Variants in CAMK2A observed in about 807,000 individuals in gnomAD.
CAMK2A encodes calcium/calmodulin dependent protein kinase II alpha, also known as calcium/calmodulin-dependent protein kinase type II subunit alpha.
CAMK2A carries 7 observed loss-of-function variants against 79.2 expected under a neutral mutation model. The observed-to-expected ratio is 0.09, with a 90% CI of 0.05 to 0.17. The LOEUF (loss-of-function observed/expected upper bound fraction) is 0.17. Ranked by LOEUF, CAMK2A falls within the 10% of genes least tolerant of loss-of-function variation. The pLI, the probability that CAMK2A is intolerant of heterozygous loss-of-function variation, is 1.00. For missense variants in CAMK2A, 214 were observed against 646.4 expected, an observed-to-expected ratio of 0.33 and a Z score of 7.25; for synonymous variants, 242 against 251.7, an observed-to-expected ratio of 0.96 and a Z score of 0.36.
chr5:150,249,061 C>A (rs1233114048), intron 11 of CAMK2A, among the ~76,000 whole-genome samples: 1 of 152,214 alleles, frequency 6.6e-6, no homozygotes, highest in East Asian at 1.9e-4. Context: ...GTTCTCCTGG[C>A]ATCATGCTGG....
At chr5:150,225,021 T>C (rs1026017815) in intron 17 of CAMK2A, among the ~76,000 whole-genome samples, 3 of 107,344 alleles carry the variant, frequency 2.8e-5, no homozygotes, top group African/African-American at 1.2e-4. Context: ...AAATAGCCAG[T>C]CTCATAACCT....
At chr5:150,249,331 C>T (rs1463745547) in intron 11 of CAMK2A, among the ~76,000 whole-genome samples, 2 of 152,212 alleles carry the variant, frequency 1.3e-5, no homozygotes, top group Non-Finnish European at 2.9e-5. Context: ...TGAGCTTCCT[C>T]AGGGCCACAA....
At position 150,256,909 on chromosome 5, in the gene CAMK2A, A is replaced by C; in HGVS notation, c.273-78T>G. The stretch of plus-strand genomic sequence containing the variant: ...CATCTGGAGGAGTCTCCAGGAAACT[A>C]AGGATGGGGCCCAGGGACCTCAGGA... On this transcript the variant is annotated intron_variant, in intron 4 of 18. Transcript: ENST00000671881. This position sits in a 1 kb window ranked among gnomAD's most constrained non-coding sequence, Gnocchi z 4.6. 1 of 1,294,762 alleles carries C rather than the reference A, an allele frequency of 7.7e-7. No homozygotes were observed. The highest frequency in any genetic ancestry group is 1.1e-6 in the Non-Finnish European group (1 of 920,774). 80.2% of individuals were successfully genotyped at this position (1,294,762 alleles called of 1,614,324 possible).
intron 1 of CAMK2A, among the ~76,000 whole-genome samples, chr5:150,277,414 G>A (rs1006208415): frequency 6.6e-6 from 1 of 152,194 alleles, no homozygotes; most frequent in African/African-American, 2.4e-5. Context: ...ACTGATGGGG[G>A]CCAGCGAGGG....
At position 150,247,752 on chromosome 5, in the gene CAMK2A, C is replaced by G. The variant is rs1299249728; in HGVS notation, c.943+20G>C. 6 of 1,604,620 alleles carry G rather than the reference C, an allele frequency of 3.7e-6. No individual in the cohort carries two copies. Among genetic ancestry groups the G allele is most frequent in the African/African-American group, 1.3e-5 (1 of 74,820 alleles). On this transcript the variant is annotated intron_variant, in intron 12 of 18. Coordinates refer to ENST00000671881, the MANE Select transcript of CAMK2A (RefSeq NM_015981.4). ...AACTGGTGCAGGGCTTACTGGGGAC[C>G]CTGAGGTCCTGCCACCTACCGGAGA... is the stretch of plus-strand genomic sequence containing the variant.
At chr5:150,247,163 C>G (rs1194067643) in intron 12 of CAMK2A, among the ~76,000 whole-genome samples, 1 of 152,272 alleles carries the variant, frequency 6.6e-6, no homozygotes, top group East Asian at 1.9e-4. Context: ...CTGGGACGCT[C>G]CTGCCCTGGA....
At position 150,244,651 on chromosome 5, in the gene CAMK2A, A is replaced by C. The variant is rs144343327; in HGVS notation, c.984+510T>G. Among the ~76,000 whole-genome samples the C allele has an allele frequency of 9.7e-4, 147 of 152,248 alleles. 5 individuals are homozygous for C. The East Asian group carries it at 0.027, about 28-fold the overall frequency. ...GGGATTTTGGAACTGAACCAGCACC[A>C]GCAAGCCTTGCCGGGAGGGGGCACC... On this transcript the variant is annotated intron_variant, in intron 13 of 18. Transcript: ENST00000671881.
intron 3 of CAMK2A, among the ~76,000 whole-genome samples, chr5:150,259,435 T>C (rs1756207695): frequency 6.6e-6 from 1 of 151,796 alleles, no homozygotes; most frequent in Non-Finnish European, 1.5e-5. Context: ...GGTGGGAGGG[T>C]TGTTTGAGCC....
chr5:150,249,314 G>A (rs1755722237), intron 11 of CAMK2A, among the ~76,000 whole-genome samples: 1 of 152,236 alleles, frequency 6.6e-6, no homozygotes, highest in South Asian at 2.1e-4. Flanking sequence ...GACCACCTGG[G>A]TGCCACTGAG....
chr5:150,289,887 A>C, upstream of CAMK2A: 13 of 484,616 alleles, frequency 2.7e-5, no homozygotes, highest in Non-Finnish European at 4.1e-5. Flanking sequence ...TGCCTCCCCA[A>C]CACCTGCCTG....
chr5:150,253,958 G>A (rs10067305), intron 6 of CAMK2A, among the ~76,000 whole-genome samples: 7,273 of 152,126 alleles, frequency 0.048, 563 homozygotes, highest in African/African-American at 0.16. Context: ...CGACCCTTTC[G>A]GGTAGGTATT....
intron 16 of CAMK2A, among the ~76,000 whole-genome samples, chr5:150,228,773 T>C (rs73796379): frequency 0.01 from 1,540 of 152,288 alleles, 33 homozygotes; most frequent in African/African-American, 0.034. Context: ...GGTATATACC[T>C]GGAAGGGGCG....
rs1219362082 is a variant in CAMK2A at position 150,223,772 on chromosome 5, G to A, written c.1238-555C>T. On this transcript the variant is annotated intron_variant, in intron 17 of 18. Transcript: ENST00000671881. The surrounding 1 kb of genome is among the most constrained non-coding windows in gnomAD (Gnocchi z 4.1). ...AGTGAGACCAGTGTTGACGTGCCTCGTTTTTCAAGAGAATCTGGAAATCTG... is the reference window on the plus strand; with the variant it reads ...AGTGAGACCAGTGTTGACGTGCCTCATTTTTCAAGAGAATCTGGAAATCTG... Among the ~76,000 whole-genome samples the A allele has an allele frequency of 1.3e-5, 2 of 152,134 alleles. No individual in the cohort carries two copies. Among genetic ancestry groups the A allele is most frequent in the African/African-American group, 2.4e-5 (1 of 41,412 alleles).
rs1302806513 is a variant in CAMK2A at position 150,231,523 on chromosome 5, C to T, written c.1067-143G>A. On this transcript the variant is annotated intron_variant, in intron 15 of 18. Coordinates refer to ENST00000671881, the MANE Select transcript of CAMK2A (RefSeq NM_015981.4). ...ACTCTGTGCTGGGACCTGAAGACCT[C>T]ATGCAGATGATCTCATTTATCCTCG... The T allele has an allele frequency of 1.2e-4, 38 of 327,362 alleles. No individual in the cohort carries two copies. The Admixed American group carries it at 1.8e-3, about 16-fold the overall frequency. 20.3% of individuals were successfully genotyped at this position (327,362 alleles called of 1,614,324 possible).
At chr5:150,246,344 G>A (rs77940204) in intron 12 of CAMK2A, among the ~76,000 whole-genome samples, 112 of 152,320 alleles carry the variant, frequency 7.4e-4, no homozygotes, top group African/African-American at 2.6e-3. Context: ...GATGTGCAGT[G>A]GGGCAGGGGG....
chr5:150,230,149 C>T (rs1256465655), intron 16 of CAMK2A, among the ~76,000 whole-genome samples: 2 of 151,946 alleles, frequency 1.3e-5, no homozygotes, highest in Non-Finnish European at 2.9e-5. Flanking sequence ...GAAACCCCGT[C>T]TCTACTAAAA....
chr5:150,283,543 C>T (rs1460196239), intron 1 of CAMK2A, among the ~76,000 whole-genome samples: 1 of 152,126 alleles, frequency 6.6e-6, no homozygotes, highest in Non-Finnish European at 1.5e-5. Flanking sequence ...CCCAGCTAAC[C>T]TCTGGGTAAC....
chr5:150,231,110 G>C (rs763223113), intron 16 of CAMK2A, among the ~76,000 whole-genome samples, 195 bp downstream of exon 16: 1 of 152,198 alleles, frequency 6.6e-6, no homozygotes, highest in African/African-American at 2.4e-5. Context: ...CTGACATATA[G>C]AGCAGTGTCG....
intron 15 of CAMK2A, 95 bp downstream of exon 15, chr5:150,238,605 T>G: frequency 1.9e-5 from 22 of 1,186,750 alleles, no homozygotes; most frequent in South Asian, 2.6e-5. Flanking sequence ...GAGCAAGAAA[T>G]GAGGTTGGCA....
Sources: gnomAD v4.1 joint callset for allele counts (sites outside exome capture counted in the v4.1 genomes callset) on GRCh38, gnomAD v4.1.1 for gene constraint, Gnocchi (gnomAD v3.1) non-coding constraint, MANE v1.5 for transcripts, NCBI Gene and HGNC (gene_info 2026-07-23, HGNC 2026-07-21) for gene names.